PCNX4: variants seen among roughly 807,000 people sequenced by gnomAD.
The protein encoded by PCNX4 is pecanex 4.
PCNX4 carries 103 observed loss-of-function variants against 107.2 expected under a neutral mutation model. That is an observed-to-expected ratio of 0.96 (90% CI 0.82 to 1.13). The LOEUF is 1.13. PCNX4 is among the 50% of genes most tolerant of loss of function. PCNX4 has a pLI of 0.00. For synonymous variants in PCNX4, 541 were observed against 481.7 expected (o/e 1.12, Z -1.61); for missense variants, 1,528 against 1,379.4 (o/e 1.11, Z -1.71).
In PCNX4 at chr14:60,143,841, G is replaced by A. The variant is rs1052672363; in HGVS notation, c.*9620G>A. Reference sequence around the variant, plus strand: ...ATAAGGACCATGTTTTTCTTTACCTGTTACTCCTGCTGATTTCCTATTAGT... The same window carrying A: ...ATAAGGACCATGTTTTTCTTTACCTATTACTCCTGCTGATTTCCTATTAGT... On this transcript the variant is annotated 3_prime_UTR_variant, in exon 11 of 11. Coordinates refer to ENST00000406854, the MANE Select transcript of PCNX4 (RefSeq NM_001330177.2). 2.0e-5 allele frequency: 3 copies of A among 152,198 alleles called. No homozygotes were observed. Among genetic ancestry groups the A allele is most frequent in the African/African-American group, 7.2e-5 (3 of 41,436 alleles). The allele number at this position is 152,198 out of a possible 1,614,324, so 9.4% of individuals were successfully genotyped here. A position where few individuals can be genotyped will look rare whatever the true frequency, so the allele number is the denominator to read the frequency against.
Position 60,143,865 on chromosome 14 carries a change from G to A in PCNX4, c.*9644G>A, listed in dbSNP as rs1454424846. 1.3e-5 allele frequency: 2 copies of A among 152,190 alleles called. No homozygotes were observed. The highest frequency in any genetic ancestry group is 4.8e-5 in the African/African-American group (2 of 41,438). The allele number at this position is 152,190 out of a possible 1,614,324, so 9.4% of individuals were successfully genotyped here. ...TGTTACTCCTGCTGATTTCCTATTA[G>A]TGCCTGTGCATGTTTTCTGCTGTAA... On this transcript the variant is annotated 3_prime_UTR_variant, in exon 11 of 11. Transcript: ENST00000406854.
chr14:60,118,252 A>G (rs1459427815), intron 6 of PCNX4, 77 bp from the exon 7 acceptor site: 1 of 1,419,438 alleles, frequency 7.0e-7, no homozygotes, highest in South Asian at 1.6e-5. Context: ...ATTACTGTAT[A>G]GTCTGTCTTA....
intron 10 of PCNX4, among the ~76,000 whole-genome samples, chr14:60,132,948 G>A (rs1896181888): frequency 6.6e-6 from 1 of 152,132 alleles, no homozygotes; most frequent in Admixed American, 6.6e-5. Flanking sequence ...CTGAAAATAA[G>A]TGTTAACAAG....
intron 1 of PCNX4, among the ~76,000 whole-genome samples, chr14:60,104,723 C>T (rs552209906): frequency 2.0e-5 from 3 of 152,164 alleles, no homozygotes; most frequent in Admixed American, 1.3e-4. Context: ...CATCAGGTCT[C>T]GTGAGACTTA....
chr14:60,124,909 C>T lies in PCNX4; in HGVS notation c.2738C>T (p.Pro913Leu), dbSNP rs570523991. The T allele has an allele frequency of 3.7e-6, 6 of 1,613,640 alleles. No homozygotes were observed. Among genetic ancestry groups the T allele is most frequent in the Non-Finnish European group, 2.5e-6 (3 of 1,179,756 alleles). ...SCSHSHLVCL[P>L]AEWRTSCMPS... The stretch of plus-strand genomic sequence containing the variant: ...TCACATTCTCACTTAGTATGCTTAC[C>T]CGCAGAGTGGAGGACTAGCTGTATG... The change falls in exon 9 of 11, where the codon CCC becomes CTC. Residue 913 changes from proline to leucine, a missense_variant. Transcript: ENST00000406854.
rs968451294 is a variant in PCNX4, at chr14:60,092,204, T to C, written c.-269T>C. On this transcript the variant is annotated 5_prime_UTR_variant, in exon 1 of 11. Coordinates refer to ENST00000406854, the MANE Select transcript of PCNX4 (RefSeq NM_001330177.2). ...CGAACGCGCACGCGCTCCGTTCAGC[T>C]CCGGGTGGCGGCCGCCGGAGTAGAC... The C allele has an allele frequency of 5.3e-5, 8 of 152,242 alleles. No homozygotes were observed. The highest frequency in any genetic ancestry group is 1.2e-4 in the African/African-American group (5 of 41,454). The allele number at this position is 152,242 out of a possible 1,614,324, so 9.4% of individuals were successfully genotyped here. A position where few individuals can be genotyped will look rare whatever the true frequency, so the allele number is the denominator to read the frequency against.
In PCNX4 at chr14:60,115,961, T is replaced by C; in HGVS notation, c.1479T>C (p.Asn493=). The C allele has an allele frequency of 2.5e-6, 4 of 1,611,386 alleles. No individual in the cohort carries two copies. Among genetic ancestry groups the C allele is most frequent in the Non-Finnish European group, 3.4e-6 (4 of 1,178,326 alleles). ...TGCAGGTATGGCAGAATACAGAAAA[T>C]GCTTTATTGGAGACAGTCATTGTAT... ...AFRMVWQNTE[N]ALLETVIVST... Residue 493 remains asparagine (N), a synonymous_variant, in exon 6 of 11, where the codon AAT becomes AAC. Transcript: ENST00000406854.
chr14:60,113,361 T>C (rs932487961), intron 2 of PCNX4, among the ~76,000 whole-genome samples: 1 of 152,024 alleles, frequency 6.6e-6, no homozygotes, highest in African/African-American at 2.4e-5. Flanking sequence ...AATTGTCTTA[T>C]TATTATTACT....
chr14:60,118,282 G>C (rs1421111210), intron 6 of PCNX4, 47 bp from the exon 7 acceptor site: 2 of 1,482,584 alleles, frequency 1.3e-6, no homozygotes, highest in Non-Finnish European at 1.8e-6. Context: ...GAAAATTCAT[G>C]AAAAATCTTC....
rs1388839359 is a variant in PCNX4 at position 60,134,098 on chromosome 14, TGAA to T, written c.3400_3402del (p.Glu1134del). 1 of 1,613,862 alleles carries T rather than the reference TGAA, an allele frequency of 6.2e-7. No homozygotes were observed. Among genetic ancestry groups the T allele is most frequent in the Non-Finnish European group, 8.5e-7 (1 of 1,179,804 alleles). On this transcript the variant is annotated inframe_deletion, in exon 11 of 11. Coordinates refer to ENST00000406854, the MANE Select transcript of PCNX4 (RefSeq NM_001330177.2). ...AATTACTTTATGCCACAAACGATGA[TGAA>T]GAACGTTATAGTATACAAGCTCATC...
At chr14:60,108,653 T>TG (rs991429754) in intron 2 of PCNX4, 4 of 187,444 alleles carry the variant, frequency 2.1e-5, no homozygotes, top group South Asian at 1.9e-4. Flanking sequence ...AACTTTCCTG[T>TG]GGGGGGAAAG....
At chr14:60,099,564 G>T (rs1895490486) in intron 1 of PCNX4, among the ~76,000 whole-genome samples, 1 of 152,108 alleles carries the variant, frequency 6.6e-6, no homozygotes, top group Non-Finnish European at 1.5e-5. Context: ...GTAACCTTTG[G>T]GTTAGAGAGA....
chr14:60,134,564 C>A lies in PCNX4; in HGVS notation c.*343C>A. The A allele has an allele frequency of 4.6e-6, 1 of 218,912 alleles. No individual in the cohort carries two copies. The highest frequency in any genetic ancestry group is 9.0e-6 in the Non-Finnish European group (1 of 110,638). 13.6% of individuals were successfully genotyped at this position (218,912 alleles called of 1,614,324 possible). On this transcript the variant is annotated 3_prime_UTR_variant, in exon 11 of 11. Transcript: ENST00000406854. ...TAGGTGAATTGCCATACAAAGTTAACAGCTATGTAATTTTTACATACTTAA... is the reference window on the plus strand; with the variant it reads ...TAGGTGAATTGCCATACAAAGTTAAAAGCTATGTAATTTTTACATACTTAA...
intron 1 of PCNX4, among the ~76,000 whole-genome samples, chr14:60,093,914 G>T (rs145115816): frequency 2.6e-5 from 4 of 152,176 alleles, no homozygotes; most frequent in African/African-American, 9.6e-5. Context: ...CCTCATTATG[G>T]TTTCAGTTTG....
intron 6 of PCNX4, among the ~76,000 whole-genome samples, chr14:60,116,426 G>A (rs1456444219): frequency 1.3e-5 from 2 of 152,154 alleles, no homozygotes; most frequent in Non-Finnish European, 2.9e-5. Flanking sequence ...GCATAAGGAC[G>A]TTTCAGTCAA....
rs759495267 is a variant in PCNX4, at chr14:60,114,876, T to TA, written c.867dup (p.Arg290ThrfsTer42). On this transcript the variant is annotated frameshift_variant, in exon 3 of 11. Transcript: ENST00000406854. LOFTEE classifies it high-confidence loss of function. ...GGAGGCTCATCTATGTCAACCCACT[T>TA]ACGGTATTTATTTTTAAATATTGAT... is the stretch of plus-strand genomic sequence containing the variant. The TA allele has an allele frequency of 2.5e-6, 4 of 1,596,970 alleles. No individual in the cohort carries two copies. The African/African-American group carries it at 4.1e-5, about 16-fold the overall frequency.
In PCNX4 at chr14:60,121,179, T is replaced by TTTTTTATTTTTTG; in HGVS notation, c.1943-15_1943-14insTTTATTTTTTGTT. ...TGATTTTCTTTTTTTTTTTTTTTTT[T>TTTTTTATTTTTTG]TTCTAATTTGTTGTAGGTCTCCTCC... On this transcript the variant is annotated splice_polypyrimidine_tract_variant and intron_variant, in intron 7 of 10. Transcript: ENST00000406854. 1 of 1,544,546 alleles carries TTTTTTATTTTTTG rather than the reference T, an allele frequency of 6.5e-7. No individual in the cohort carries two copies. The highest frequency in any genetic ancestry group is 1.4e-5 in the African/African-American group (1 of 71,090).
intron 6 of PCNX4, 22 bp downstream of exon 6, chr14:60,116,082 T>G (rs1371209822): frequency 1.3e-6 from 2 of 1,562,002 alleles, no homozygotes; most frequent in Non-Finnish European, 1.7e-6. Flanking sequence ...TTTTAACAGC[T>G]TTACTGAAAT....
intron 10 of PCNX4, among the ~76,000 whole-genome samples, chr14:60,130,924 G>A (rs908225453): frequency 2.0e-5 from 3 of 152,102 alleles, no homozygotes; most frequent in South Asian, 4.1e-4. Context: ...GGTAGTAGGA[G>A]GTGGGGCCTT....
Sources: allele counts gnomAD v4.1 joint callset (sites outside exome capture counted in the v4.1 genomes callset), GRCh38; gene constraint gnomAD v4.1.1; transcripts MANE v1.5; gene names NCBI Gene and HGNC (gene_info 2026-07-23, HGNC 2026-07-21).